GZF1: variants seen among roughly 807,000 people sequenced by gnomAD.
The protein encoded by GZF1 is GDNF inducible zinc finger protein 1.
A neutral mutation model predicts 49.4 loss-of-function variants in GZF1; 28 were observed. The observed-to-expected ratio is 0.57, with a 90% CI of 0.42 to 0.78. The LOEUF (loss-of-function observed/expected upper bound fraction) is 0.78, where lower values mean the gene tolerates loss of function less well. Among genes scored for constraint, GZF1 ranks in the 30% least tolerant of loss-of-function variants. GZF1 has a pLI of 0.00. For synonymous variants in GZF1, 364 were observed against 356.0 expected (o/e 1.02, Z -0.25); for missense variants, 798 against 916.2 (o/e 0.87, Z 1.67).
In GZF1 at chr20:23,370,047, C is replaced by T. The variant is rs1428326099; in HGVS notation, c.1786-44C>T. The T allele has an allele frequency of 2.0e-6, 3 of 1,505,896 alleles. No homozygotes were observed. The East Asian group carries it at 6.8e-5, about 34-fold the overall frequency. The allele number at this position is 1,505,896 out of a possible 1,614,324, so 93.3% of individuals were successfully genotyped here. A position where few individuals can be genotyped will look rare whatever the true frequency, so the allele number is the denominator to read the frequency against. The stretch of plus-strand genomic sequence containing the variant: ...CTATTGTTTTAAAAGATGCACTTGT[C>T]CAGAGACACATTCAGTGACCTTTGT... On this transcript the variant is annotated intron_variant, in intron 5 of 5. Coordinates refer to ENST00000338121, the MANE Select transcript of GZF1 (RefSeq NM_022482.5).
rs1981918776 is a variant in GZF1, at chr20:23,370,144, G to A, written c.1839G>A (p.Ser613=). 12 of 1,614,090 alleles carry A rather than the reference G, an allele frequency of 7.4e-6. No homozygotes were observed. Among genetic ancestry groups the A allele is most frequent in the Admixed American group, 1.7e-5 (1 of 60,012 alleles). Residue 613 remains serine (S), a synonymous_variant, in exon 6 of 6, where the codon TCG becomes TCA. Coordinates refer to ENST00000338121, the MANE Select transcript of GZF1 (RefSeq NM_022482.5). Reference sequence around the variant, plus strand: ...CTTTCCTTGTCATTGTAGATGGCTCGCCCAAGAACGATGACGGACACAAGA... The same window carrying A: ...CTTTCCTTGTCATTGTAGATGGCTCACCCAAGAACGATGACGGACACAAGA... ...WKSFLVIVDG[S]PKNDDGHKTE...
chr20:23,370,452 C>T lies in GZF1; in HGVS notation c.*11C>T. ...AGCAACATGGAATAAGAGCTTCAAGCAGTTCCCATCCTGTTAGTCTGCGTG... is the reference window on the plus strand; with the variant it reads ...AGCAACATGGAATAAGAGCTTCAAGTAGTTCCCATCCTGTTAGTCTGCGTG... On this transcript the variant is annotated 3_prime_UTR_variant, in exon 6 of 6. Transcript: ENST00000338121. The T allele has an allele frequency of 6.5e-7, 1 of 1,534,770 alleles. No individual in the cohort carries two copies. The highest frequency in any genetic ancestry group is 9.0e-7 in the Non-Finnish European group (1 of 1,109,262).
intron 2 of GZF1, among the ~76,000 whole-genome samples, chr20:23,366,127 G>GA (rs1981349746): frequency 6.6e-6 from 1 of 152,362 alleles, no homozygotes; most frequent in East Asian, 1.9e-4. Context: ...AGACCTCAGT[G>GA]AGATGCCATT....
At chr20:23,365,910 G>A (rs1230562110) in intron 2 of GZF1, among the ~76,000 whole-genome samples, 163 bp downstream of exon 2, 5 of 152,244 alleles carry the variant, frequency 3.3e-5, no homozygotes, top group African/African-American at 1.2e-4. Flanking sequence ...CAGGGGCTGC[G>A]AGTGATGGCT....
In GZF1 at chr20:23,364,496, AGT is replaced by A; in HGVS notation, c.114_115del (p.Tyr39SerfsTer22). The A allele has an allele frequency of 6.2e-7, 1 of 1,614,222 alleles. No homozygotes were observed. The highest frequency in any genetic ancestry group is 1.7e-5 in the Admixed American group (1 of 60,032). ...CTGTGTGACGTGACAGTCAGCGTGG[AGT>A]ATCAGGGTGTCCGCAAAGACTTCAT... On this transcript the variant is annotated frameshift_variant, in exon 2 of 6. Coordinates refer to ENST00000338121, the MANE Select transcript of GZF1 (RefSeq NM_022482.5). LOFTEE classifies it high-confidence loss of function.
At chr20:23,361,632 C>G (rs1404395011), upstream of GZF1, among the ~76,000 whole-genome samples, 1 of 152,200 alleles carries the variant, frequency 6.6e-6, no homozygotes, top group Non-Finnish European at 1.5e-5. Flanking sequence ...CTCCAGCGCC[C>G]GTGGAGGCAT....
chr20:23,365,664 C>T lies in GZF1; in HGVS notation c.1281C>T (p.Arg427=). 1.3e-6 allele frequency: 2 copies of T among 1,599,564 alleles called. No individual in the cohort carries two copies. Among genetic ancestry groups the T allele is most frequent in the Non-Finnish European group, 1.7e-6 (2 of 1,178,118 alleles). The change falls in exon 2 of 6, where the codon CGC becomes CGT. Residue 427 remains arginine (R), a synonymous_variant. Coordinates refer to ENST00000338121, the MANE Select transcript of GZF1 (RefSeq NM_022482.5). ...AGACAGCGCTGCGGCTGCACGAGCG[C>T]ACACACACGGGAGACCGGCCCTACG... ...SSKTALRLHE[R]THTGDRPYGC... is the part of the protein sequence containing the mutation.
In GZF1 at chr20:23,371,043, C is replaced by G. The variant is rs1982030236; in HGVS notation, c.*602C>G. The G allele has an allele frequency of 6.5e-6, 1 of 153,068 alleles. No homozygotes were observed. Among genetic ancestry groups the G allele is most frequent in the African/African-American group, 2.4e-5 (1 of 41,410 alleles). 9.5% of individuals were successfully genotyped at this position (153,068 alleles called of 1,614,324 possible). A position where few individuals can be genotyped will look rare whatever the true frequency, so the allele number is the denominator to read the frequency against. On this transcript the variant is annotated 3_prime_UTR_variant, in exon 6 of 6. Transcript: ENST00000338121. ...CCACCCCCCATTTGTAGGCAGTAAACAAAGTATGACTGACAGATTGAACAC... is the reference window on the plus strand; with the variant it reads ...CCACCCCCCATTTGTAGGCAGTAAAGAAAGTATGACTGACAGATTGAACAC...
intron 2 of GZF1, among the ~76,000 whole-genome samples, chr20:23,366,455 C>T (rs1016508599): frequency 6.6e-6 from 1 of 150,476 alleles, no homozygotes; most frequent in Non-Finnish European, 1.5e-5. Flanking sequence ...AGGAAGTGCT[C>T]AGTAAATTAT....
chr20:23,362,866 C>T (rs1980855002), intron 1 of GZF1: 1 of 152,342 alleles, frequency 6.6e-6, no homozygotes, highest in Non-Finnish European at 1.5e-5. Context: ...CTCGAGGGCC[C>T]TGTTGGCAGA....
At chr20:23,369,841 G>A in intron 5 of GZF1, 100 bp downstream of exon 5, 1 of 1,301,322 alleles carries the variant, frequency 7.7e-7, no homozygotes, top group Non-Finnish European at 1.1e-6. Context: ...TAGAGGTCGA[G>A]ACAACAGGTA....
rs755734532 is a variant in GZF1 at position 23,365,191 on chromosome 20, G to A, written c.808G>A (p.Gly270Ser). The change falls in exon 2 of 6, where the codon GGC becomes AGC. Residue 270 changes from glycine to serine, a missense_variant. Physicochemically the swap from Gly to Ser is moderately conservative, Grantham distance 56. This residue lies in a region of GZF1 where 247 missense variants were observed against 228.5 expected (regional missense o/e 1.08). Transcript: ENST00000338121. ...CCAGGACCAAAGCCCGGACAGGGTG[G>A]GCACGGAGATGGAGCAGGTTTCCAA... ...CPQDQSPDRV[G>S]TEMEQVSKNE... The A allele has an allele frequency of 1.9e-6, 3 of 1,608,252 alleles. No homozygotes were observed. The South Asian group carries it at 3.3e-5, about 18-fold the overall frequency.
At chr20:23,364,332 C>A in intron 1 of GZF1, 31 bp from the exon 2 acceptor site, 2 of 1,334,260 alleles carry the variant, frequency 1.5e-6, no homozygotes, top group Non-Finnish European at 1.0e-6. Context: ...TCAGTGGTTG[C>A]TCATGCATAA....
chr20:23,367,944 A>G (rs1406269914), intron 3 of GZF1, among the ~76,000 whole-genome samples: 2 of 152,242 alleles, frequency 1.3e-5, no homozygotes, highest in African/African-American at 2.4e-5. Flanking sequence ...CATGTGAGAC[A>G]GAGATGACAT....
At chr20:23,361,861 A>C (rs1980689954), upstream of GZF1, among the ~76,000 whole-genome samples, 1 of 152,192 alleles carries the variant, frequency 6.6e-6, no homozygotes, top group South Asian at 2.1e-4. Flanking sequence ...TGACCACGCG[A>C]ATCTGACGCT....
In GZF1 at chr20:23,370,160, G is replaced by A. The variant is rs200001696; in HGVS notation, c.1855G>A (p.Gly619Arg). ...AGATGGCTCGCCCAAGAACGATGAC[G>A]GACACAAGACTGAACAGCCTGACGA... is the stretch of plus-strand genomic sequence containing the variant. ...IVDGSPKNDD[G>R]HKTEQPDEEY... Residue 619 changes from glycine to arginine, a missense_variant, in exon 6 of 6, where the codon GGA (glycine) becomes AGA (arginine). Coordinates refer to ENST00000338121, the MANE Select transcript of GZF1 (RefSeq NM_022482.5). 62 of 1,614,208 alleles carry A rather than the reference G, an allele frequency of 3.8e-5. No individual in the cohort carries two copies. The Admixed American group carries it at 5.5e-4, about 14-fold the overall frequency.
upstream of GZF1, among the ~76,000 whole-genome samples, chr20:23,361,629 G>A (rs1980668574): frequency 6.6e-6 from 1 of 152,210 alleles, no homozygotes; most frequent in African/African-American, 2.4e-5. Context: ...GTTCTCCAGC[G>A]CCCGTGGAGG....
At chr20:23,365,823 G>C in intron 2 of GZF1, 76 bp downstream of exon 2, 8 of 1,435,078 alleles carry the variant, frequency 5.6e-6, no homozygotes, top group Non-Finnish European at 7.3e-6. Context: ...CCTGGGATTT[G>C]ATGTCTCACT....
rs1444126511 is a variant in GZF1, at chr20:23,365,136, T to C, written c.753T>C (p.Ala251=). ...GACTCCGAGAGCAGCAGAAAACTGC[T>C]GAGGGTGATGTGGGGGACTACAGGT... ...TRRLREQQKT[A]EGDVGDYRCP... Residue 251 remains alanine (A), a synonymous_variant, in exon 2 of 6, where the codon GCT becomes GCC. Coordinates refer to ENST00000338121, the MANE Select transcript of GZF1 (RefSeq NM_022482.5). 1.2e-6 allele frequency: 2 copies of C among 1,613,788 alleles called. No homozygotes were observed. Among genetic ancestry groups the C allele is most frequent in the Non-Finnish European group, 1.7e-6 (2 of 1,179,970 alleles).
Sources: allele counts gnomAD v4.1 joint callset (sites outside exome capture counted in the v4.1 genomes callset), GRCh38; gene constraint gnomAD v4.1.1; regional missense constraint gnomAD v4.1.1; transcripts MANE v1.5; gene names NCBI Gene and HGNC (gene_info 2026-07-23, HGNC 2026-07-21).